CRTAP: variants seen among roughly 807,000 people sequenced by gnomAD.
The protein encoded by CRTAP is cartilage associated protein, also known as cartilage-associated protein.
In CRTAP, 33 loss-of-function variants were observed where a neutral mutation model predicts 42.7. That is an observed-to-expected ratio of 0.77 (90% CI 0.59 to 1.03). The LOEUF (loss-of-function observed/expected upper bound fraction) is 1.03, where lower values mean the gene tolerates loss of function less well. Ranked by LOEUF, CRTAP falls within the 50% of genes least tolerant of loss-of-function variation. The pLI is 0.00. For synonymous variants in CRTAP, 243 were observed against 217.7 expected (o/e 1.12, Z -1.02); for missense variants, 613 against 533.9 (o/e 1.15, Z -1.46).
Position 33,120,385 on chromosome 3 carries a change from T to C in CRTAP, c.513T>C (p.Phe171=), listed in dbSNP as rs1025781596. ...AAGCCATCGCCGCTGCTCACACCTT[T>C]CTACTGAAGCATCCTGATGACGAAA... The part of the protein sequence containing the change: ...LPKAIAAAHT[F]LLKHPDDEMM... The change falls in exon 2 of 7, where the codon TTT becomes TTC. Residue 171 remains phenylalanine (F), a synonymous_variant. Transcript: ENST00000320954. The C allele has an allele frequency of 6.2e-7, 1 of 1,614,202 alleles. No homozygotes were observed. The highest frequency in any genetic ancestry group is 1.1e-5 in the South Asian group (1 of 91,086).
intron 4 of CRTAP, among the ~76,000 whole-genome samples, chr3:33,131,906 T>C (rs2030278135): frequency 6.6e-6 from 1 of 152,044 alleles, no homozygotes. Flanking sequence ...TACCAGGGGC[T>C]TGTGTCTCAT....
intron 3 of CRTAP, among the ~76,000 whole-genome samples, chr3:33,129,738 G>C (rs778788118): frequency 2.6e-5 from 4 of 151,810 alleles, no homozygotes; most frequent in Non-Finnish European, 5.9e-5. Flanking sequence ...GGGTTTCACT[G>C]TGTTAACCAG....
At chr3:33,117,946 C>G (rs1360166234) in intron 1 of CRTAP, among the ~76,000 whole-genome samples, 3 of 151,330 alleles carry the variant, frequency 2.0e-5, no homozygotes, top group Non-Finnish European at 4.4e-5. Flanking sequence ...GCCCCTCTTT[C>G]TATTCCTTTC....
intron 3 of CRTAP, among the ~76,000 whole-genome samples, chr3:33,127,337 T>C (rs930457988): frequency 2.0e-5 from 3 of 152,144 alleles, no homozygotes; most frequent in Non-Finnish European, 2.9e-5. Context: ...AGAACTCTCA[T>C]GTACACCTTA....
At chr3:33,135,528 C>G (rs796986017) in intron 6 of CRTAP, among the ~76,000 whole-genome samples, 4 of 151,524 alleles carry the variant, frequency 2.6e-5, no homozygotes, top group African/African-American at 9.7e-5. Flanking sequence ...ACTTGGAAGG[C>G]TGAAGGAGTC....
At position 33,146,304 on chromosome 3, in the gene CRTAP, G is replaced by C. The variant is rs2030721482; in HGVS notation, c.*3856G>C. The C allele has an allele frequency of 6.6e-6, 1 of 152,346 alleles. No homozygotes were observed. The highest frequency in any genetic ancestry group is 2.4e-5 in the African/African-American group (1 of 41,450). The allele number at this position is 152,346 out of a possible 1,614,324, so 9.4% of individuals were successfully genotyped here. ...ATCAGCATGGAGCTCAGTGGTTGCT[G>C]TTTGGTTCTGCAGGCTGGTGGGGAG... On this transcript the variant is annotated 3_prime_UTR_variant, in exon 7 of 7. Coordinates refer to ENST00000320954, the MANE Select transcript of CRTAP (RefSeq NM_006371.5).
chr3:33,126,162 C>CT (rs1459522063), intron 3 of CRTAP, among the ~76,000 whole-genome samples: 1 of 152,198 alleles, frequency 6.6e-6, no homozygotes, highest in African/African-American at 2.4e-5. Flanking sequence ...AACCTTTCTA[C>CT]TTTCTGTCTT....
chr3:33,140,804 G>C (rs1027126904), intron 6 of CRTAP, among the ~76,000 whole-genome samples: 1 of 152,194 alleles, frequency 6.6e-6, no homozygotes, highest in Non-Finnish European at 1.5e-5. Flanking sequence ...AGGTAGGAAC[G>C]GAATGAGGGT....
chr3:33,146,025 C>T lies in CRTAP; in HGVS notation c.*3577C>T, dbSNP rs1049537478. 1 of 151,064 alleles carries T rather than the reference C, an allele frequency of 6.6e-6. No individual in the cohort carries two copies. The highest frequency in any genetic ancestry group is 1.5e-5 in the Non-Finnish European group (1 of 67,842). The allele number at this position is 151,064 out of a possible 1,614,324, so 9.4% of individuals were successfully genotyped here. On this transcript the variant is annotated 3_prime_UTR_variant, in exon 7 of 7. Coordinates refer to ENST00000320954, the MANE Select transcript of CRTAP (RefSeq NM_006371.5). ...AATTTCTATTTCAAAGGAAACCAAACCTTAAAAAAAAAAAACAAAAACTGG... is the reference window on the plus strand; with the variant it reads ...AATTTCTATTTCAAAGGAAACCAAATCTTAAAAAAAAAAAACAAAAACTGG...
At position 33,124,542 on chromosome 3, in the gene CRTAP, G is replaced by A. The variant is rs116519163; in HGVS notation, c.756G>A (p.Glu252=). The change falls in exon 3 of 7, where the codon GAG becomes GAA. Residue 252 remains glutamate (E), a synonymous_variant. Coordinates refer to ENST00000320954, the MANE Select transcript of CRTAP (RefSeq NM_006371.5). ...TCGCAGCCTGCGAGGGTTCCAGGGA[G>A]ATCAAGGACTTCAAGGATTTCTACC... The part of the protein sequence containing the change: ...ECLAACEGSR[E]IKDFKDFYLS... 2.3e-5 allele frequency: 37 copies of A among 1,614,240 alleles called. No individual in the cohort carries two copies. In the African/African-American group the frequency reaches 4.0e-4, roughly 17 times the overall value.
At chr3:33,124,283 C>G in intron 2 of CRTAP, 125 bp from the exon 3 acceptor site, 1 of 1,029,830 alleles carries the variant, frequency 9.7e-7, no homozygotes, top group Non-Finnish European at 1.5e-6. Context: ...TCTTCAAGGG[C>G]CAGTGTGGCT....
Position 33,130,045 on chromosome 3 carries a change from C to T in CRTAP, c.900C>T (p.Tyr300=), listed in dbSNP as rs776879779. The part of the protein sequence containing the change: ...VEKFVATMYH[Y]LQFAYYKLND... ...AATTTGTGGCTACCATGTATCATTA[C>T]TTGCAGTTTGCCTATTATAAGTGTA... The change falls in exon 4 of 7, where the codon TAC becomes TAT. Residue 300 remains tyrosine (Y), a synonymous_variant. Coordinates refer to ENST00000320954, the MANE Select transcript of CRTAP (RefSeq NM_006371.5). 1.4e-5 allele frequency: 23 copies of T among 1,613,724 alleles called. No homozygotes were observed. The highest frequency in any genetic ancestry group is 1.8e-5 in the Non-Finnish European group (21 of 1,179,782).
intron 4 of CRTAP, among the ~76,000 whole-genome samples, chr3:33,130,525 C>CTTTTTTTTTTTTTTTTTTTTTTTTT (rs765558103): frequency 1.0e-3 from 56 of 55,268 alleles, no homozygotes; most frequent in Non-Finnish European, 1.2e-3. Flanking sequence ...CTTTTCTTTT[C>CTTTTTTTTTTTTTTTTTTTTTTTTT]TTTTTTTTTT....
intron 6 of CRTAP, among the ~76,000 whole-genome samples, chr3:33,141,179 C>T (rs887265789): frequency 2.0e-5 from 3 of 152,276 alleles, no homozygotes; most frequent in South Asian, 2.1e-4. Context: ...GCATTTCTTT[C>T]GTCTGTGCTG....
intron 6 of CRTAP, among the ~76,000 whole-genome samples, chr3:33,138,420 A>G (rs2030483054): frequency 6.6e-6 from 1 of 152,136 alleles, no homozygotes; most frequent in Non-Finnish European, 1.5e-5. Context: ...AATTTATTTC[A>G]CAGTGTTTTC....
intron 3 of CRTAP, among the ~76,000 whole-genome samples, chr3:33,126,107 T>C (rs1238125580): frequency 6.6e-6 from 1 of 152,224 alleles, no homozygotes; most frequent in Non-Finnish European, 1.5e-5. Flanking sequence ...TGAAACTCTG[T>C]ATGCGATAAC....
At chr3:33,127,728 G>A (rs766404951) in intron 3 of CRTAP, among the ~76,000 whole-genome samples, 7 of 150,122 alleles carry the variant, frequency 4.7e-5, no homozygotes, top group Admixed American at 1.3e-4. Flanking sequence ...GAGTACAGGC[G>A]TGAGCCACCG....
At chr3:33,115,492 C>G (rs1024655562) in intron 1 of CRTAP, among the ~76,000 whole-genome samples, 15 of 152,034 alleles carry the variant, frequency 9.9e-5, no homozygotes, top group African/African-American at 3.6e-4. Context: ...TATGGGTTCT[C>G]ACTCCGAGGA....
intron 1 of CRTAP, among the ~76,000 whole-genome samples, chr3:33,118,411 GTT>G (rs1209906111): frequency 6.6e-6 from 1 of 151,998 alleles, no homozygotes; most frequent in East Asian, 1.9e-4. Flanking sequence ...CTGTAGGGCT[GTT>G]TTAAAGGCAG....
Sources: gnomAD v4.1 joint callset for allele counts (sites outside exome capture counted in the v4.1 genomes callset) on GRCh38, gnomAD v4.1.1 for gene constraint, MANE v1.5 for transcripts, NCBI Gene and HGNC (gene_info 2026-07-23, HGNC 2026-07-21) for gene names.